Variants in GPC1 observed in about 807,000 individuals in gnomAD.
GPC1 encodes the protein glypican 1, also known as glypican-1.
GPC1 carries 26 observed loss-of-function variants against 51.5 expected under a neutral mutation model. That is an observed-to-expected ratio of 0.50 (90% CI 0.37 to 0.70). The LOEUF (loss-of-function observed/expected upper bound fraction) is 0.70. Ranked by LOEUF, GPC1 falls within the 30% of genes least tolerant of loss-of-function variation. The pLI is 0.00. For missense variants in GPC1, 775 were observed against 800.5 expected (o/e 0.97, Z 0.38); for synonymous variants, 380 against 348.3 (o/e 1.09, Z -1.01).
intron 4 of GPC1, chr2:240,464,389 CACCTGTGCCCGTGGCA>C: frequency 3.6e-6 from 2 of 554,512 alleles, no homozygotes; most frequent in Non-Finnish European, 6.5e-6. Context: ...TGTGCGTGTT[CACCTGTGCCCGTGGCA>C]CAGGTGCACA....
Position 240,435,758 on chromosome 2 carries a change from G to A in GPC1, c.-161G>A, listed in dbSNP as rs1429970743. On this transcript the variant is annotated 5_prime_UTR_variant, in exon 1 of 9. Coordinates refer to ENST00000264039, the MANE Select transcript of GPC1 (RefSeq NM_002081.3). ...CGCGCCCCGCGCCGCCGCCGCCGCC[G>A]GCTTTTGTTGTCTCCGCCTCCTCGG... is the stretch of plus-strand genomic sequence containing the variant. 6 of 360,492 alleles carry A rather than the reference G, an allele frequency of 1.7e-5. No homozygotes were observed. Among genetic ancestry groups the A allele is most frequent in the Non-Finnish European group, 2.7e-5 (6 of 218,260 alleles). 22.3% of individuals were successfully genotyped at this position (360,492 alleles called of 1,614,324 possible). A position where few individuals can be genotyped will look rare whatever the true frequency, so the allele number is the denominator to read the frequency against.
Position 240,465,179 on chromosome 2 carries a change from G to T in GPC1, c.1237G>T (p.Asp413Tyr). 6.2e-7 allele frequency: 1 copy of T among 1,611,872 alleles called. No homozygotes were observed. The highest frequency in any genetic ancestry group is 1.1e-5 in the South Asian group (1 of 90,952). ...EKMALSTASDDRCWNGMARGR... is the reference protein window; with the variant it reads ...EKMALSTASDYRCWNGMARGR... ...GATGGCCCTGAGCACTGCCAGTGAT[G>T]ACCGCTGCTGGAACGGGATGGCCAG... The change falls in exon 7 of 9, where the codon GAC becomes TAC. Residue 413 changes from aspartate (D) to tyrosine (Y), a missense_variant. Coordinates refer to ENST00000264039, the MANE Select transcript of GPC1 (RefSeq NM_002081.3).
rs540683349 is a variant in GPC1, at chr2:240,448,380, T to C, written c.167-10650T>C. Among the ~76,000 whole-genome samples the C allele has an allele frequency of 7.9e-6, 1 of 127,020 alleles. No individual in the cohort carries two copies. The highest frequency in any genetic ancestry group is 1.9e-5 in the Non-Finnish European group (1 of 53,378). 83.3% of individuals were successfully genotyped at this position (127,020 alleles called of 152,430 possible). On this transcript the variant is annotated intron_variant, in intron 1 of 8. Transcript: ENST00000264039. The surrounding 1 kb of genome is among the most constrained non-coding windows in gnomAD (Gnocchi z 4.5). Reference sequence around the variant, plus strand: ...GTCTGCCAGGCAGTCCGGGTGTAGATAGTCCCTGCCAGGCAGTCCAGGTGT... The same window carrying C: ...GTCTGCCAGGCAGTCCGGGTGTAGACAGTCCCTGCCAGGCAGTCCAGGTGT...
At chr2:240,436,142 C>G (rs986390428) in intron 1 of GPC1, 58 bp downstream of exon 1, 40 of 1,140,264 alleles carry the variant, frequency 3.5e-5, no homozygotes, top group Non-Finnish European at 2.7e-5. Context: ...GCTCCGGACC[C>G]TGGTCTTCCC....
rs372404485 is a variant in GPC1, at chr2:240,436,886, G to A, written c.166+802G>A. Among the ~76,000 whole-genome samples, 7 of 152,262 alleles carry A rather than the reference G, an allele frequency of 4.6e-5. No individual in the cohort carries two copies. In the East Asian group the frequency reaches 9.6e-4, roughly 21 times the overall value. On this transcript the variant is annotated intron_variant, in intron 1 of 8. Transcript: ENST00000264039. ...CAGCGGCCCTCTTGGCGCCCCCTAA[G>A]CCCTGCAGCCGCCTGCGGCTCTGCC...
At position 240,460,073 on chromosome 2, in the gene GPC1, C is replaced by T. The variant is rs147856909; in HGVS notation, c.325+885C>T. Among the ~76,000 whole-genome samples, 476 of 152,162 alleles carry T rather than the reference C, an allele frequency of 3.1e-3. 4 individuals carry two copies. The highest frequency in any genetic ancestry group is 4.0e-3 in the Non-Finnish European group (271 of 67,952). The stretch of plus-strand genomic sequence containing the variant: ...GTTTGTCTCAGCGTTCCTGCTTCTC[C>T]GGCTCCTGGACACCTGCTGTGGCCT... On this transcript the variant is annotated intron_variant, in intron 2 of 8. Transcript: ENST00000264039.
chr2:240,451,526 T>G, intron 1 of GPC1: 1 of 297,022 alleles, frequency 3.4e-6, no homozygotes, highest in South Asian at 2.7e-5. Flanking sequence ...GAGTGCCCTC[T>G]TCAGCTCCAC....
At chr2:240,456,417 C>A (rs2074164538) in intron 1 of GPC1, among the ~76,000 whole-genome samples, 1 of 152,120 alleles carries the variant, frequency 6.6e-6, no homozygotes, top group African/African-American at 2.4e-5. Context: ...AGTGCTTGAG[C>A]CCTAGTCCTG....
chr2:240,455,921 C>T lies in GPC1; in HGVS notation c.167-3109C>T, dbSNP rs185551571. 1,581 of 336,498 alleles carry T rather than the reference C, an allele frequency of 4.7e-3. 14 individuals are homozygous for T. Among genetic ancestry groups the T allele is most frequent in the Non-Finnish European group, 7.6e-3 (1,305 of 171,802 alleles). 20.8% of individuals were successfully genotyped at this position (336,498 alleles called of 1,614,324 possible). A position where few individuals can be genotyped will look rare whatever the true frequency, so the allele number is the denominator to read the frequency against. ...CGTGCGTCCAGCCTGCAGCGGGCCTCAGGGGGCCGCCTCGATCCAGCCTGC... is the reference window on the plus strand; with the variant it reads ...CGTGCGTCCAGCCTGCAGCGGGCCTTAGGGGGCCGCCTCGATCCAGCCTGC... On this transcript the variant is annotated intron_variant, in intron 1 of 8. Coordinates refer to ENST00000264039, the MANE Select transcript of GPC1 (RefSeq NM_002081.3).
rs774918426 is a variant in GPC1, at chr2:240,464,923, G to A, written c.1082G>A (p.Arg361Gln). ...CCCGGGCCTGAGGAGAAGCGGCGCC[G>A]GGGCAAGCTGGCCCCGCGGGAGAGG... ...QGPGPEEKRRRGKLAPRERPP... is the reference protein window; with the variant it reads ...QGPGPEEKRRQGKLAPRERPP... The change falls in exon 6 of 9, where the codon CGG becomes CAG. Residue 361 changes from arginine to glutamine, a missense_variant. Arg to Gln is a conservative substitution (Grantham distance 43). Coordinates refer to ENST00000264039, the MANE Select transcript of GPC1 (RefSeq NM_002081.3). 58 of 1,551,244 alleles carry A rather than the reference G, an allele frequency of 3.7e-5. No individual in the cohort carries two copies. The highest frequency in any genetic ancestry group is 1.7e-4 in the Middle Eastern group (1 of 5,822).
intron 1 of GPC1, chr2:240,450,423 C>G (rs1414795516): frequency 8.3e-6 from 3 of 361,004 alleles, no homozygotes; most frequent in Non-Finnish European, 1.1e-5. Context: ...GTGCTGGGCC[C>G]CGTGCTGCTA....
chr2:240,456,268 T>A (rs2074162172), intron 1 of GPC1, among the ~76,000 whole-genome samples: 1 of 152,072 alleles, frequency 6.6e-6, no homozygotes, highest in Non-Finnish European at 1.5e-5. Flanking sequence ...TTACGGGTGT[T>A]TCGGGCCTCA....
At chr2:240,465,940 G>T (rs936541370) in intron 8 of GPC1, 118 bp from the exon 9 acceptor site, 22 of 656,864 alleles carry the variant, frequency 3.3e-5, no homozygotes, top group Non-Finnish European at 5.9e-5. Flanking sequence ...GGTGCTGCTG[G>T]TCCTGGGATT....
intron 1 of GPC1, among the ~76,000 whole-genome samples, chr2:240,444,572 G>C (rs1281051278): frequency 2.0e-5 from 3 of 152,220 alleles, no homozygotes; most frequent in African/African-American, 7.2e-5. Context: ...TCCCCGGCAG[G>C]GGTGCTTCCT....
intron 1 of GPC1, among the ~76,000 whole-genome samples, chr2:240,456,922 C>T (rs962599933): frequency 6.6e-6 from 1 of 152,170 alleles, no homozygotes; most frequent in African/African-American, 2.4e-5. Flanking sequence ...CTCTACTAGG[C>T]CCCAGGGCTC....
intron 1 of GPC1, among the ~76,000 whole-genome samples, chr2:240,440,127 G>T (rs1363570879): frequency 2.0e-5 from 3 of 152,164 alleles, no homozygotes; most frequent in African/African-American, 7.2e-5. Context: ...GCACCTCGTG[G>T]GCAGCCTCGG....
At chr2:240,436,732 G>T (rs1489257067) in intron 1 of GPC1, among the ~76,000 whole-genome samples, 1 of 152,280 alleles carries the variant, frequency 6.6e-6, no homozygotes, top group Admixed American at 6.5e-5. Context: ...GCCTCGTAGA[G>T]ATTCCTGTCG....
In GPC1 at chr2:240,465,678, G is replaced by A. The variant is rs568402935; in HGVS notation, c.1444+30G>A. On this transcript the variant is annotated intron_variant, in intron 8 of 8. Transcript: ENST00000264039. ...GGGCAGGGCCTGGCCGGGCGGCCAA[G>A]GGGCCAGGGTTGGTGGGGGTGCCAC... The A allele has an allele frequency of 2.5e-6, 4 of 1,603,804 alleles. No individual in the cohort carries two copies. In the African/African-American group the frequency reaches 4.0e-5, roughly 16 times the overall value.
rs774381819 is a variant in GPC1 at position 240,462,186 on chromosome 2, C to T, written c.326-5C>T. ...GTCCCGATCACGCCCCCTCCCTGTG[C>T]GCAGACCACTTCCAGCACCTGCTGA... On this transcript the variant is annotated splice_region_variant and splice_polypyrimidine_tract_variant and intron_variant, in intron 2 of 8. Transcript: ENST00000264039. The T allele has an allele frequency of 2.0e-5, 32 of 1,581,068 alleles. 1 individual carries two copies. The highest frequency in any genetic ancestry group is 1.9e-4 in the Middle Eastern group (1 of 5,374).
Sources: gnomAD v4.1 joint callset for allele counts (sites outside exome capture counted in the v4.1 genomes callset) on GRCh38, gnomAD v4.1.1 for gene constraint, Gnocchi (gnomAD v3.1) non-coding constraint, MANE v1.5 for transcripts, NCBI Gene and HGNC (gene_info 2026-07-23, HGNC 2026-07-21) for gene names.